LEF1: variants seen among roughly 807,000 people sequenced by gnomAD.
LEF1 encodes lymphoid enhancer-binding factor 1.
A neutral mutation model predicts 51.2 loss-of-function variants in LEF1; 14 were observed. That is an observed-to-expected ratio of 0.27 (90% confidence interval 0.18 to 0.43). The LOEUF is 0.43. Among genes scored for constraint, LEF1 ranks in the 20% least tolerant of loss-of-function variants. The probability of loss-of-function intolerance (pLI) is 1.00; values close to 1 mark genes in which losing one functional copy is unlikely to be tolerated. For synonymous variants in LEF1, 185 were observed against 183.2 expected (o/e 1.01, Z -0.08); for missense variants, 386 against 512.0 (o/e 0.75, Z 2.37).
chr4:108,050,949 T>C (rs1736949694), intron 11 of LEF1, among the ~76,000 whole-genome samples: 1 of 152,198 alleles, frequency 6.6e-6, no homozygotes, highest in African/African-American at 2.4e-5. Context: ...CCAGTCTTCT[T>C]GTCCCTTCAC....
chr4:108,114,758 G>A (rs181461336), intron 3 of LEF1, among the ~76,000 whole-genome samples: 39 of 152,346 alleles, frequency 2.6e-4, no homozygotes, highest in South Asian at 4.1e-4. Flanking sequence ...TAGGACTTCC[G>A]TCAGGGGCTA....
chr4:108,124,458 C>T (rs1742387470), intron 3 of LEF1, among the ~76,000 whole-genome samples: 1 of 152,018 alleles, frequency 6.6e-6, no homozygotes. Flanking sequence ...CAACCTCCGC[C>T]TCCTGAGTTC....
rs1421186493 is a variant in LEF1 at position 108,167,264 on chromosome 4, T to C, written c.213+291A>G. 6.6e-6 allele frequency among the ~76,000 whole-genome samples: 1 copy of C among 151,854 alleles called. No homozygotes were observed. Among genetic ancestry groups the C allele is most frequent in the Non-Finnish European group, 1.5e-5 (1 of 67,976 alleles). ...AGACCGAAGGCGAAACATTGTGGGTTCCTGCCCGCGAACCAACCGTTCAGC... is the reference window on the plus strand; with the variant it reads ...AGACCGAAGGCGAAACATTGTGGGTCCCTGCCCGCGAACCAACCGTTCAGC... On this transcript the variant is annotated intron_variant, in intron 1 of 11. Coordinates refer to ENST00000265165, the MANE Select transcript of LEF1 (RefSeq NM_016269.5). This position sits in a 1 kb window ranked among gnomAD's most constrained non-coding sequence, Gnocchi z 5.7.
At chr4:108,063,761 A>G (rs1314678516) in intron 10 of LEF1, 98 bp from the exon 11 acceptor site, 8 of 815,178 alleles carry the variant, frequency 9.8e-6, no homozygotes, top group Admixed American at 5.2e-5. Flanking sequence ...TGTTTGCTTT[A>G]CTTTTCATGG....
At chr4:108,144,649 C>A (rs1245047148) in intron 3 of LEF1, among the ~76,000 whole-genome samples, 1 of 152,004 alleles carries the variant, frequency 6.6e-6, no homozygotes. Context: ...AGGAAGGGAG[C>A]AGAATTCCCA....
intron 6 of LEF1, among the ~76,000 whole-genome samples, chr4:108,080,842 TC>T (rs1167023306): frequency 1.3e-5 from 2 of 152,170 alleles, no homozygotes; most frequent in African/African-American, 4.8e-5. Flanking sequence ...CAGTTTGACT[TC>T]CGGCACAATA....
intron 11 of LEF1, among the ~76,000 whole-genome samples, chr4:108,058,535 C>G (rs1737457605): frequency 6.6e-6 from 1 of 152,124 alleles, no homozygotes; most frequent in African/African-American, 2.4e-5. Flanking sequence ...ACCAGAAACT[C>G]ACATCAATTC....
intron 11 of LEF1, among the ~76,000 whole-genome samples, chr4:108,052,889 A>G (rs1437142334): frequency 1.3e-5 from 2 of 152,168 alleles, no homozygotes; most frequent in Non-Finnish European, 2.9e-5. Context: ...AGAATTTCAC[A>G]TTATCATCAT....
chr4:108,099,600 AT>A (rs1740664536), intron 3 of LEF1, among the ~76,000 whole-genome samples: 1 of 130,932 alleles, frequency 7.6e-6, no homozygotes, highest in Non-Finnish European at 1.6e-5. Context: ...ATATATATAT[AT>A]ATATATATAT....
At chr4:108,095,211 C>T (rs1480028195) in intron 3 of LEF1, among the ~76,000 whole-genome samples, 3 of 152,168 alleles carry the variant, frequency 2.0e-5, no homozygotes, top group Admixed American at 6.5e-5. Context: ...CCTGCACCAT[C>T]ATCAGACAAC....
intron 3 of LEF1, among the ~76,000 whole-genome samples, chr4:108,127,134 AT>A (rs1282213339): frequency 5.2e-5 from 5 of 96,136 alleles, no homozygotes; most frequent in African/African-American, 1.4e-4. Flanking sequence ...ATGGGGGCTC[AT>A]TTTGGCAGAA....
At chr4:108,057,999 G>C (rs1737418365) in intron 11 of LEF1, among the ~76,000 whole-genome samples, 1 of 151,726 alleles carries the variant, frequency 6.6e-6, no homozygotes, top group African/African-American at 2.4e-5. Context: ...TCAGCCTCCT[G>C]AGCAGCTGGG....
chr4:108,125,714 A>ATT (rs201464366), intron 3 of LEF1, among the ~76,000 whole-genome samples: 211 of 142,212 alleles, frequency 1.5e-3, no homozygotes, highest in African/African-American at 5.2e-3. Context: ...ACACCTTGGG[A>ATT]TTTTTTTTTT....
chr4:108,069,535 A>G (rs1013900106), intron 9 of LEF1, among the ~76,000 whole-genome samples: 2 of 152,366 alleles, frequency 1.3e-5, no homozygotes, highest in East Asian at 3.9e-4. Flanking sequence ...CTGGGGTACG[A>G]TAACATGAAA....
At chr4:108,105,521 G>A (rs187241255) in intron 3 of LEF1, among the ~76,000 whole-genome samples, 535 of 152,174 alleles carry the variant, frequency 3.5e-3, no homozygotes, top group Middle Eastern at 0.017. Flanking sequence ...AAGACTACTA[G>A]GGTTCTAATG....
intron 3 of LEF1, among the ~76,000 whole-genome samples, chr4:108,136,278 C>A (rs1015638197): frequency 1.3e-5 from 2 of 152,114 alleles, no homozygotes; most frequent in African/African-American, 2.4e-5. Flanking sequence ...CTATAAAATT[C>A]GTATCTTTCT....
chr4:108,119,447 T>C (rs540960509), intron 3 of LEF1, among the ~76,000 whole-genome samples: 11 of 152,184 alleles, frequency 7.2e-5, no homozygotes, highest in Admixed American at 3.9e-4. Context: ...AACCTAATAA[T>C]AGAGTTCAGA....
intron 3 of LEF1, among the ~76,000 whole-genome samples, chr4:108,104,438 A>T (rs1357844945): frequency 2.0e-5 from 3 of 148,040 alleles, no homozygotes; most frequent in African/African-American, 7.4e-5. Flanking sequence ...TATATATATA[A>T]AAATACAATA....
chr4:108,091,725 A>G (rs1740037448), intron 3 of LEF1, among the ~76,000 whole-genome samples: 1 of 152,202 alleles, frequency 6.6e-6, no homozygotes, highest in South Asian at 2.1e-4. Flanking sequence ...AGTTTTCCAA[A>G]TAACAGAATA....
Sources: gnomAD v4.1 joint callset for allele counts (sites outside exome capture counted in the v4.1 genomes callset) on GRCh38, gnomAD v4.1.1 for gene constraint, Gnocchi (gnomAD v3.1) non-coding constraint, MANE v1.5 for transcripts, NCBI Gene and HGNC (gene_info 2026-07-23, HGNC 2026-07-21) for gene names.